Variants in SKAP1 observed in about 807,000 individuals in gnomAD.
SKAP1 encodes src kinase-associated phosphoprotein 1.
A neutral mutation model predicts 58.5 loss-of-function variants in SKAP1; 44 were observed. The ratio of observed to expected loss-of-function variants is 0.75; its 90% CI spans 0.59 to 0.97. SKAP1 has a LOEUF of 0.97. SKAP1 is among the 50% of genes least tolerant of loss of function. SKAP1 has a pLI of 0.00. For missense variants in SKAP1, 390 were observed against 435.2 expected (o/e 0.90, Z 0.92); for synonymous variants, 127 against 149.7 (o/e 0.85, Z 1.11).
intron 2 of SKAP1, among the ~76,000 whole-genome samples, chr17:48,366,013 A>G (rs1448921666): frequency 6.6e-6 from 1 of 152,172 alleles, no homozygotes; most frequent in Non-Finnish European, 1.5e-5. Flanking sequence ...ACAACAACAA[A>G]ATAAGGCAGG....
intron 3 of SKAP1, among the ~76,000 whole-genome samples, chr17:48,361,071 G>A (rs11654536): frequency 6.9e-6 from 1 of 145,380 alleles, no homozygotes; most frequent in African/African-American, 2.6e-5. Context: ...AACTTGTACT[G>A]TACTATACTA....
At chr17:48,174,250 G>C (rs756761817) in intron 9 of SKAP1, among the ~76,000 whole-genome samples, 3 of 152,198 alleles carry the variant, frequency 2.0e-5, no homozygotes, top group Non-Finnish European at 2.9e-5. Context: ...CCCCACATCT[G>C]TTTTATCTAA....
At chr17:48,261,758 T>C (rs1259147241) in intron 4 of SKAP1, among the ~76,000 whole-genome samples, 1 of 152,184 alleles carries the variant, frequency 6.6e-6, no homozygotes. Flanking sequence ...GGTGTCGTTG[T>C]TTTCTACCCT....
upstream of SKAP1, among the ~76,000 whole-genome samples, chr17:48,433,868 C>T (rs745946103): frequency 1.1e-4 from 17 of 152,150 alleles, no homozygotes; most frequent in Non-Finnish European, 2.4e-4. Flanking sequence ...CAGGTGGGCA[C>T]TCGCTAAATA....
chr17:48,182,862 T>C (rs1449646168), intron 7 of SKAP1, among the ~76,000 whole-genome samples: 2 of 152,214 alleles, frequency 1.3e-5, no homozygotes, highest in Non-Finnish European at 2.9e-5. Flanking sequence ...TGTTGTTGCC[T>C]AGAGTAGGTC....
At chr17:48,364,436 G>A (rs953544474) in intron 2 of SKAP1, among the ~76,000 whole-genome samples, 1 of 152,150 alleles carries the variant, frequency 6.6e-6, no homozygotes, top group Non-Finnish European at 1.5e-5. Flanking sequence ...CAGCACTTTG[G>A]GAGGCCAAAG....
the SKAP1 span, among the ~76,000 whole-genome samples, chr17:48,437,950 A>G: frequency 6.6e-6 from 1 of 151,864 alleles, no homozygotes; most frequent in Non-Finnish European, 1.5e-5. Context: ...TTGGTTCTCA[A>G]TATCTTTGTT....
intron 3 of SKAP1, among the ~76,000 whole-genome samples, chr17:48,355,261 T>A (rs1446695542): frequency 6.6e-6 from 1 of 152,210 alleles, no homozygotes; most frequent in Non-Finnish European, 1.5e-5. Flanking sequence ...AATACTAATT[T>A]AAAATTGTTA....
At chr17:48,134,015 C>CT (rs1226610500) in intron 12 of SKAP1, among the ~76,000 whole-genome samples, 199 bp from the exon 13 acceptor site, 1 of 151,954 alleles carries the variant, frequency 6.6e-6, no homozygotes, top group African/African-American at 2.4e-5. Context: ...GTCTCCAGTC[C>CT]TTTTTTATAC....
chr17:48,277,296 C>T (rs1339703405), intron 4 of SKAP1, among the ~76,000 whole-genome samples: 2 of 152,124 alleles, frequency 1.3e-5, no homozygotes, highest in Admixed American at 1.3e-4. Flanking sequence ...AAGTTGCATT[C>T]CTAGAAAACT....
chr17:48,408,346 T>C (rs2067616163), intron 1 of SKAP1, among the ~76,000 whole-genome samples: 1 of 152,188 alleles, frequency 6.6e-6, no homozygotes, highest in Non-Finnish European at 1.5e-5. Context: ...ATGTTTTTTA[T>C]TTATTAAGTT....
At chr17:48,291,594 C>T (rs2144080976) in intron 4 of SKAP1, among the ~76,000 whole-genome samples, 1 of 152,300 alleles carries the variant, frequency 6.6e-6, no homozygotes, top group Non-Finnish European at 1.5e-5. Context: ...GTTTGAGGTG[C>T]TCAATGGCTG....
intron 1 of SKAP1, among the ~76,000 whole-genome samples, chr17:48,406,795 A>G (rs948136013): frequency 6.6e-6 from 1 of 151,990 alleles, no homozygotes; most frequent in East Asian, 1.9e-4. Context: ...CAAACTCCTG[A>G]CCTCAAGTGA....
chr17:48,237,131 C>G (rs908034139), intron 4 of SKAP1, among the ~76,000 whole-genome samples: 2 of 152,174 alleles, frequency 1.3e-5, no homozygotes, highest in Non-Finnish European at 2.9e-5. Context: ...TTAGTTCCAC[C>G]TTACGTATTA....
At chr17:48,233,726 C>T (rs896545825) in intron 4 of SKAP1, among the ~76,000 whole-genome samples, 7 of 151,926 alleles carry the variant, frequency 4.6e-5, no homozygotes, top group Non-Finnish European at 7.4e-5. Context: ...CATAGTGGCT[C>T]GCACCTGTAA....
chr17:48,368,683 C>T lies in SKAP1; in HGVS notation c.153-4869G>A, dbSNP rs1018498682. On this transcript the variant is annotated intron_variant, in intron 2 of 12. Transcript: ENST00000336915. ...GAACTGAAAAATGATGAGTACAGAA[C>T]GAGCAGAGAGAGAATGTTGCAACCA... Among the ~76,000 whole-genome samples, 12 of 152,084 alleles carry T rather than the reference C, an allele frequency of 7.9e-5. No homozygotes were observed. In the East Asian group the frequency reaches 1.3e-3, roughly 17 times the overall value.
chr17:48,155,201 C>T (rs1213856014), intron 11 of SKAP1, among the ~76,000 whole-genome samples: 1 of 151,644 alleles, frequency 6.6e-6, no homozygotes, highest in Non-Finnish European at 1.5e-5. Flanking sequence ...GATCTTGGCT[C>T]ACTGCAACCA....
At chr17:48,144,529 C>T (rs2063805777) in intron 11 of SKAP1, among the ~76,000 whole-genome samples, 1 of 152,180 alleles carries the variant, frequency 6.6e-6, no homozygotes. Flanking sequence ...AAACTCACAG[C>T]AATCATGTTT....
chr17:48,335,968 C>A (rs994666709), intron 4 of SKAP1, among the ~76,000 whole-genome samples: 1 of 152,106 alleles, frequency 6.6e-6, no homozygotes, highest in Non-Finnish European at 1.5e-5. Context: ...TTTTTGAATT[C>A]ACTACGTAAG....
Sources: allele counts gnomAD v4.1 joint callset (sites outside exome capture counted in the v4.1 genomes callset), GRCh38; gene constraint gnomAD v4.1.1; transcripts MANE v1.5; gene names NCBI Gene and HGNC (gene_info 2026-07-23, HGNC 2026-07-21).